QKI: variants seen among roughly 807,000 people sequenced by gnomAD.
QKI encodes the protein KH domain-containing RNA-binding protein QKI.
In QKI, 10 loss-of-function variants were observed where a neutral mutation model predicts 39.0. That is an observed-to-expected ratio of 0.26 (90% CI 0.16 to 0.43). The LOEUF is 0.43. QKI is among the 20% of genes least tolerant of loss of function. The pLI is 1.00. For synonymous variants in QKI, 204 were observed against 155.4 expected (o/e 1.31, Z -2.33); for missense variants, 218 against 428.0 (o/e 0.51, Z 4.33).
intron 3 of QKI, among the ~76,000 whole-genome samples, chr6:163,482,455 A>G (rs944208227): frequency 2.6e-5 from 4 of 152,140 alleles, no homozygotes; most frequent in South Asian, 4.1e-4. Context: ...ATAATGTCAC[A>G]TACCACAGGC....
At chr6:163,452,216 CT>C (rs1199060467) in intron 1 of QKI, among the ~76,000 whole-genome samples, 1 of 152,152 alleles carries the variant, frequency 6.6e-6, no homozygotes, top group Non-Finnish European at 1.5e-5. Context: ...TGATTTTCTA[CT>C]TTTTTCCCCT....
chr6:163,570,993 C>G lies in QKI; in HGVS notation c.*283C>G, dbSNP rs560271428. ...GCCCAATTCATCCCACAGCACTGAT[C>G]ATCTTTTAATATCCCACCCTAAGCG... On this transcript the variant is annotated 3_prime_UTR_variant, in exon 8 of 8. Coordinates refer to ENST00000361752, the MANE Select transcript of QKI (RefSeq NM_006775.3). 1.2e-4 allele frequency: 36 copies of G among 295,642 alleles called. No individual in the cohort carries two copies. The highest frequency in any genetic ancestry group is 2.2e-4 in the Non-Finnish European group (35 of 161,784). 18.3% of individuals were successfully genotyped at this position (295,642 alleles called of 1,614,324 possible). A position where few individuals can be genotyped will look rare whatever the true frequency, so the allele number is the denominator to read the frequency against.
chr6:163,551,036 A>C (rs1438802717), intron 4 of QKI, among the ~76,000 whole-genome samples: 1 of 151,864 alleles, frequency 6.6e-6, no homozygotes, highest in Admixed American at 6.6e-5. Context: ...AATGTTATCT[A>C]ATTCATTGAT....
chr6:163,454,957 C>T lies in QKI; in HGVS notation c.143-322C>T, dbSNP rs562747682. ...TTACTGAAGCTATGATTTGGAATGA[C>T]TGGCCTCGTTTAGACTTGGAAAAAT... On this transcript the variant is annotated intron_variant, in intron 1 of 7. Transcript: ENST00000361752. Among the ~76,000 whole-genome samples the T allele has an allele frequency of 2.5e-4, 38 of 152,296 alleles. No individual in the cohort carries two copies. In the South Asian group the frequency reaches 5.6e-3, roughly 22 times the overall value.
Position 163,415,010 on chromosome 6 carries a change from G to C in QKI, c.-184G>C, listed in dbSNP as rs1238873439. ...TCGGGCCCGGGCGGAAAGTGCCTGC[G>C]GGGGGCGGGCGAGCGCGCGGTGCCG... On this transcript the variant is annotated 5_prime_UTR_variant, in exon 1 of 8. Coordinates refer to ENST00000361752, the MANE Select transcript of QKI (RefSeq NM_006775.3). 2.1e-6 allele frequency: 1 copy of C among 471,086 alleles called. No homozygotes were observed. Among genetic ancestry groups the C allele is most frequent in the African/African-American group, 2.1e-5 (1 of 47,006 alleles). 29.2% of individuals were successfully genotyped at this position (471,086 alleles called of 1,614,324 possible). A position where few individuals can be genotyped will look rare whatever the true frequency, so the allele number is the denominator to read the frequency against.
At chr6:163,508,441 C>T (rs1395183973) in intron 3 of QKI, among the ~76,000 whole-genome samples, 1 of 151,982 alleles carries the variant, frequency 6.6e-6, no homozygotes, top group Non-Finnish European at 1.5e-5. Context: ...TGATTAATTG[C>T]TCACTTCTTA....
intron 1 of QKI, among the ~76,000 whole-genome samples, chr6:163,454,928 T>A (rs2128219119): frequency 6.6e-6 from 1 of 152,320 alleles, no homozygotes; most frequent in East Asian, 1.9e-4. Context: ...ATTCTTATAG[T>A]TGTTTACTGA....
At chr6:163,417,886 C>CAATA (rs1787656192) in intron 1 of QKI, among the ~76,000 whole-genome samples, 1 of 152,094 alleles carries the variant, frequency 6.6e-6, no homozygotes, top group South Asian at 2.1e-4. Flanking sequence ...AAGGGCTATT[C>CAATA]CTTAGTGTGG....
At chr6:163,431,143 A>G (rs1788796422) in intron 1 of QKI, among the ~76,000 whole-genome samples, 1 of 152,102 alleles carries the variant, frequency 6.6e-6, no homozygotes, top group African/African-American at 2.4e-5. Context: ...TTAATTTTGA[A>G]TGAGAGTGCT....
intron 1 of QKI, among the ~76,000 whole-genome samples, chr6:163,447,136 TAAGTA>T (rs1373121998): frequency 6.6e-6 from 1 of 152,162 alleles, no homozygotes; most frequent in Non-Finnish European, 1.5e-5. Context: ...ATGAAACTCT[TAAGTA>T]AAGCTGGTTA....
chr6:163,563,858 TATTTC>T, intron 6 of QKI, 139 bp downstream of exon 6: 1 of 1,447,780 alleles, frequency 6.9e-7, no homozygotes, highest in Non-Finnish European at 9.1e-7. Context: ...AATTTTGTTT[TATTTC>T]AGCCTCTCAT....
At chr6:163,540,487 G>A (rs763204926) in intron 4 of QKI, among the ~76,000 whole-genome samples, 4 of 152,014 alleles carry the variant, frequency 2.6e-5, no homozygotes, top group Non-Finnish European at 2.9e-5. Flanking sequence ...TTTTCAATTC[G>A]TATTTGGGTT....
intron 3 of QKI, among the ~76,000 whole-genome samples, chr6:163,528,034 A>T (rs1026700061): frequency 9.2e-5 from 14 of 152,166 alleles, no homozygotes; most frequent in African/African-American, 3.4e-4. Context: ...TAGGTGCAAG[A>T]GATCTGTTAT....
At chr6:163,468,976 A>G (rs1309142074) in intron 2 of QKI, among the ~76,000 whole-genome samples, 1 of 151,956 alleles carries the variant, frequency 6.6e-6, no homozygotes, top group Non-Finnish European at 1.5e-5. Context: ...TTTCAGCTGT[A>G]CTAGAGTCCT....
At chr6:163,509,159 G>A (rs1452051641) in intron 3 of QKI, among the ~76,000 whole-genome samples, 7 of 151,576 alleles carry the variant, frequency 4.6e-5, no homozygotes, top group Non-Finnish European at 8.8e-5. Context: ...CAATCAGTCA[G>A]TCAATCAATC....
intron 3 of QKI, among the ~76,000 whole-genome samples, chr6:163,524,582 C>T (rs1434612146): frequency 6.6e-6 from 1 of 152,120 alleles, no homozygotes; most frequent in Non-Finnish European, 1.5e-5. Context: ...GATTCTCCTG[C>T]CTCAGCCTCC....
chr6:163,550,111 T>A (rs984182444), intron 4 of QKI, among the ~76,000 whole-genome samples: 1 of 152,182 alleles, frequency 6.6e-6, no homozygotes, highest in African/African-American at 2.4e-5. Context: ...TACCTGAAAC[T>A]GGGTAATTAA....
chr6:163,513,695 G>T (rs540683029), intron 3 of QKI, among the ~76,000 whole-genome samples: 1 of 152,082 alleles, frequency 6.6e-6, no homozygotes, highest in South Asian at 2.1e-4. Context: ...TTCTTCCCAG[G>T]CCATTTCAAG....
At chr6:163,520,350 TAAA>T (rs765142749) in intron 3 of QKI, among the ~76,000 whole-genome samples, 5 of 152,118 alleles carry the variant, frequency 3.3e-5, no homozygotes, top group Non-Finnish European at 7.4e-5. Context: ...ATAGAATATG[TAAA>T]AAATGGCATT....
Sources: gnomAD v4.1 joint callset for allele counts (sites outside exome capture counted in the v4.1 genomes callset) on GRCh38, gnomAD v4.1.1 for gene constraint, MANE v1.5 for transcripts, NCBI Gene and HGNC (gene_info 2026-07-23, HGNC 2026-07-21) for gene names.